The following MTA3 variants were observed in gnomAD, a reference collection of about 807,000 sequenced individuals.
MTA3 encodes metastasis-associated protein MTA3.
In MTA3, 34 loss-of-function variants were observed where a neutral mutation model predicts 83.5. The observed-to-expected ratio is 0.41, with a 90% CI of 0.31 to 0.54. The LOEUF is 0.54. Ranked by LOEUF, MTA3 falls within the 20% of genes least tolerant of loss-of-function variation. The probability of loss-of-function intolerance (pLI) is 0.33; values close to 1 mark genes in which losing one functional copy is unlikely to be tolerated. For missense variants in MTA3, 761 were observed against 726.4 expected, an observed-to-expected ratio of 1.05 and a Z score of -0.55; for synonymous variants, 303 against 252.7, an observed-to-expected ratio of 1.20 and a Z score of -1.89.
At chr2:42,635,423 T>C (rs1219288608) in intron 4 of MTA3, among the ~76,000 whole-genome samples, 1 of 151,872 alleles carries the variant, frequency 6.6e-6, no homozygotes, top group African/African-American at 2.4e-5. Flanking sequence ...AAATTAGGAG[T>C]TCGAGACCAG....
chr2:42,745,826 T>TTTTTTTTTTTTTTTTTTTTTTTTTG, intron 16 of MTA3, among the ~76,000 whole-genome samples: 2 of 145,358 alleles, frequency 1.4e-5, no homozygotes, highest in Non-Finnish European at 3.0e-5. Context: ...ATAGTCCTCT[T>TTTTTTTTTTTTTTTTTTTTTTTTTG]TTTTTTGAGA....
At chr2:42,713,522 A>T (rs1445467559) in intron 14 of MTA3, among the ~76,000 whole-genome samples, 2 of 151,976 alleles carry the variant, frequency 1.3e-5, no homozygotes, top group African/African-American at 2.4e-5. Context: ...ATACTGAAAA[A>T]TTTTTCTAAA....
intron 2 of MTA3, among the ~76,000 whole-genome samples, chr2:42,545,089 G>T (rs1311560654): frequency 6.6e-6 from 1 of 152,140 alleles, no homozygotes; most frequent in African/African-American, 2.4e-5. Flanking sequence ...TTAAGATTTT[G>T]AATCCCAACC....
Position 42,529,023 on chromosome 2 carries a change from G to A in MTA3, c.-141+33769G>A, listed in dbSNP as rs79591516. ...AGTTTGTAGCCTGTTTACACATCCC[G>A]TTAAGTTACAGTTTACCATGTGAAA... is the stretch of plus-strand genomic sequence containing the variant. On this transcript the variant is annotated intron_variant, in intron 2 of 17. Coordinates refer to the MTA3 transcript ENST00000405592. Among the ~76,000 whole-genome samples, 771 of 152,276 alleles carry A rather than the reference G, an allele frequency of 5.1e-3. 5 individuals carry two copies. Among genetic ancestry groups the A allele is most frequent in the Middle Eastern group, 0.01 (3 of 294 alleles).
chr2:42,533,059 C>T, intron 2 of MTA3: 1 of 181,420 alleles, frequency 5.5e-6, no homozygotes, highest in Non-Finnish European at 1.2e-5. Context: ...TCCACTTTTG[C>T]CATGGTAACA....
intron 4 of MTA3, among the ~76,000 whole-genome samples, chr2:42,621,728 C>T (rs1356973735): frequency 4.0e-5 from 6 of 150,516 alleles, no homozygotes; most frequent in African/African-American, 1.5e-4. Context: ...GGGCTCCTCA[C>T]TTCTCAGACG....
In MTA3 at chr2:42,672,932, T is replaced by A. The variant is rs1298403192; in HGVS notation, c.703-9469T>A. Among the ~76,000 whole-genome samples the A allele has an allele frequency of 3.3e-5, 5 of 149,742 alleles. No individual in the cohort carries two copies. The East Asian group carries it at 1.0e-3, about 30-fold the overall frequency. ...TGCAATCTCAGCTCACTGCTACCTCTGCCTCCTGGGTTCACGCGATTCTCC... is the reference window on the plus strand; with the variant it reads ...TGCAATCTCAGCTCACTGCTACCTCAGCCTCCTGGGTTCACGCGATTCTCC... On this transcript the variant is annotated intron_variant, in intron 8 of 16. Transcript: ENST00000405094.
At chr2:42,583,059 A>T (rs775880456) in intron 3 of MTA3, among the ~76,000 whole-genome samples, 45 of 152,052 alleles carry the variant, frequency 3.0e-4, no homozygotes, top group Non-Finnish European at 5.1e-4. Context: ...TGTGTTATAG[A>T]TATATTTTAC....
chr2:42,690,813 T>C (rs1230760885), intron 9 of MTA3, among the ~76,000 whole-genome samples: 1 of 151,100 alleles, frequency 6.6e-6, no homozygotes, highest in African/African-American at 2.4e-5. Flanking sequence ...TAGCTGGGAC[T>C]ACAGGCACAC....
At chr2:42,611,954 G>A (rs1684275400) in intron 4 of MTA3, among the ~76,000 whole-genome samples, 2 of 152,128 alleles carry the variant, frequency 1.3e-5, no homozygotes, top group Admixed American at 6.5e-5. Context: ...AGTGCTTTCT[G>A]CTATGGCCTG....
chr2:42,516,492 G>A (rs549606249), intron 2 of MTA3, among the ~76,000 whole-genome samples: 149 of 152,200 alleles, frequency 9.8e-4, no homozygotes, highest in Non-Finnish European at 1.9e-3. Flanking sequence ...CCCCAACAAT[G>A]GTTTTACAGA....
At chr2:42,623,488 C>G (rs1685774597) in intron 4 of MTA3, among the ~76,000 whole-genome samples, 1 of 152,194 alleles carries the variant, frequency 6.6e-6, no homozygotes, top group Non-Finnish European at 1.5e-5. Flanking sequence ...AGGCAGTGCT[C>G]TCCTAGCTTG....
intron 2 of MTA3, among the ~76,000 whole-genome samples, chr2:42,560,715 G>A (rs1677634609): frequency 6.6e-6 from 1 of 151,814 alleles, no homozygotes; most frequent in Non-Finnish European, 1.5e-5. Flanking sequence ...TACCAGCCTG[G>A]CCAACATAGT....
chr2:42,589,760 C>T (rs902416612), intron 3 of MTA3, among the ~76,000 whole-genome samples: 7 of 152,136 alleles, frequency 4.6e-5, no homozygotes, highest in African/African-American at 1.7e-4. Context: ...CCATGTTGCC[C>T]AGGCTGAAGT....
chr2:42,743,046 C>G (rs901493044), intron 16 of MTA3, among the ~76,000 whole-genome samples: 1 of 152,162 alleles, frequency 6.6e-6, no homozygotes, highest in African/African-American at 2.4e-5. Flanking sequence ...GCTCCTCTAT[C>G]AGAGACCCTA....
At chr2:42,509,881 A>G (rs114664553) in intron 2 of MTA3, among the ~76,000 whole-genome samples, 8,484 of 152,304 alleles carry the variant, frequency 0.056, 557 homozygotes, top group Admixed American at 0.21. Flanking sequence ...TGTATACATT[A>G]TATAGTGAGG....
At chr2:42,520,856 ACGC>A in intron 2 of MTA3, among the ~76,000 whole-genome samples, 1 of 152,104 alleles carries the variant, frequency 6.6e-6, no homozygotes, top group South Asian at 2.1e-4. Context: ...GTGAGCCACC[ACGC>A]CCAGCCTGGT....
chr2:42,548,031 C>A (rs1462211054), intron 2 of MTA3, among the ~76,000 whole-genome samples: 1 of 152,198 alleles, frequency 6.6e-6, no homozygotes, highest in Non-Finnish European at 1.5e-5. Context: ...AGATAAGCTG[C>A]CCTGTGGTCC....
At position 42,648,063 on chromosome 2, in the gene MTA3, A is replaced by G. The variant is rs1486214520; in HGVS notation, c.499+3819A>G. On this transcript the variant is annotated intron_variant, in intron 6 of 16. Transcript: ENST00000405094. ...GCCGTGTTGGCCAGGCTGGTCTTGA[A>G]CTCCTGACCTCAGGTGATCCACCTG... 4.6e-5 allele frequency among the ~76,000 whole-genome samples: 7 copies of G among 150,890 alleles called. No individual in the cohort carries two copies. In the East Asian group the frequency reaches 1.4e-3, roughly 29 times the overall value.
Sources: gnomAD v4.1 joint callset for allele counts (sites outside exome capture counted in the v4.1 genomes callset) on GRCh38, gnomAD v4.1.1 for gene constraint, MANE v1.5 for transcripts, NCBI Gene and HGNC (gene_info 2026-07-23, HGNC 2026-07-21) for gene names.